FGF14: variants seen among roughly 807,000 people sequenced by gnomAD.
FGF14 encodes fibroblast growth factor homologous factor 4.
Under a neutral mutation model 25.5 loss-of-function variants are expected in FGF14, and 5 were observed. The observed-to-expected ratio is 0.20, with a 90% CI of 0.10 to 0.41. The LOEUF (loss-of-function observed/expected upper bound fraction) is 0.41. FGF14 is among the 10% of genes least tolerant of loss of function. The pLI is 1.00. For synonymous variants in FGF14, 138 were observed against 118.3 expected (o/e 1.17, Z -1.08); for missense variants, 222 against 320.1 (o/e 0.69, Z 2.34).
intron 1 of FGF14, among the ~76,000 whole-genome samples, chr13:102,035,902 A>T (rs968246762): frequency 5.9e-5 from 9 of 152,164 alleles, no homozygotes; most frequent in African/African-American, 1.9e-4. Context: ...GAATGTGTGG[A>T]GCACATAAAG....
At chr13:101,852,708 C>T (rs2043920275) in intron 3 of FGF14, among the ~76,000 whole-genome samples, 2 of 152,030 alleles carry the variant, frequency 1.3e-5, no homozygotes, top group South Asian at 4.1e-4. Context: ...GTCAAAACTC[C>T]TTATTCTTTC....
At position 102,109,269 on chromosome 13, in the gene FGF14, G is replaced by A. The variant is rs1388916712; in HGVS notation, c.209-233973C>T. 2.0e-5 allele frequency among the ~76,000 whole-genome samples: 3 copies of A among 152,266 alleles called. No individual in the cohort carries two copies. The East Asian group carries it at 5.8e-4, about 29-fold the overall frequency. ...TGGTAATTACCAGGGATTGGCTGGG[G>A]GGTGGTCCTGGGGAGGTTTTGGTCA... On this transcript the variant is annotated intron_variant, in intron 1 of 4. Coordinates refer to the FGF14 transcript ENST00000376131.
intron 3 of FGF14, among the ~76,000 whole-genome samples, chr13:101,787,845 T>C (rs939426685): frequency 6.6e-6 from 1 of 152,096 alleles, no homozygotes; most frequent in Non-Finnish European, 1.5e-5. Context: ...CACACAGAAA[T>C]GCCAGGCTGT....
Position 102,234,393 on chromosome 13 carries a change from G to A in FGF14, c.208+167078C>T, listed in dbSNP as rs9518678. On this transcript the variant is annotated intron_variant, in intron 1 of 4. Transcript: ENST00000376131. ...ATACACTTAAATGTGAAGGTACCTA[G>A]TACCATGGAAGCATACACTTAAATG... Among the ~76,000 whole-genome samples the A allele has an allele frequency of 1.3e-3, 74 of 57,638 alleles. 5 individuals carry two copies. The Middle Eastern group carries it at 0.035, about 27-fold the overall frequency. The allele number at this position is 57,638 out of a possible 152,430, so 37.8% of individuals were successfully genotyped here.
chr13:101,860,842 A>T (rs1441528186), intron 3 of FGF14, among the ~76,000 whole-genome samples: 3 of 152,090 alleles, frequency 2.0e-5, no homozygotes, highest in Non-Finnish European at 4.4e-5. Flanking sequence ...AAATCATTTC[A>T]ATAAGTCTTA....
At chr13:101,778,783 T>C (rs1181335827) in intron 3 of FGF14, 4 of 152,292 alleles carry the variant, frequency 2.6e-5, no homozygotes, top group South Asian at 4.1e-4. Context: ...AGATAGACAC[T>C]GCTTGTAATT....
At chr13:101,788,937 GAGAGAGAGAGAC>G (rs1196885415) in intron 3 of FGF14, among the ~76,000 whole-genome samples, 2,497 of 59,798 alleles carry the variant, frequency 0.042, 19 homozygotes, top group East Asian at 0.081. Flanking sequence ...GAGAGAGAGA[GAGAGAGAGAGAC>G]AGAGAGAGAG....
chr13:101,789,101 T>C (rs1026642924), intron 3 of FGF14, among the ~76,000 whole-genome samples: 1 of 151,860 alleles, frequency 6.6e-6, no homozygotes, highest in Non-Finnish European at 1.5e-5. Flanking sequence ...GACTCACAGA[T>C]GTCTCTGATT....
chr13:102,046,813 T>C (rs976254789), intron 1 of FGF14, among the ~76,000 whole-genome samples: 4 of 152,342 alleles, frequency 2.6e-5, no homozygotes, highest in African/African-American at 4.8e-5. Context: ...GCATTTGCTA[T>C]ATTTGAAGCA....
At chr13:102,033,573 C>G (rs975115628) in intron 1 of FGF14, among the ~76,000 whole-genome samples, 1 of 152,106 alleles carries the variant, frequency 6.6e-6, no homozygotes, top group Non-Finnish European at 1.5e-5. Context: ...GGCTTATACT[C>G]TTAGGCTTGT....
At chr13:102,177,320 T>C (rs1036081062) in intron 1 of FGF14, among the ~76,000 whole-genome samples, 2 of 152,162 alleles carry the variant, frequency 1.3e-5, no homozygotes, top group Admixed American at 6.5e-5. Flanking sequence ...AGCTACACAG[T>C]GTCTGCTAGG....
intron 1 of FGF14, among the ~76,000 whole-genome samples, chr13:102,062,578 T>C (rs571175289): frequency 1.3e-5 from 2 of 152,146 alleles, no homozygotes; most frequent in East Asian, 1.9e-4. Flanking sequence ...GGTGAATATA[T>C]AGAGGCCATT....
intron 1 of FGF14, among the ~76,000 whole-genome samples, chr13:101,965,695 A>G (rs1188643122): frequency 1.3e-5 from 2 of 150,092 alleles, no homozygotes; most frequent in Non-Finnish European, 3.0e-5. Context: ...TTTTGTAAGT[A>G]ACATGAAAGA....
At chr13:102,273,024 A>G (rs2053328722) in intron 1 of FGF14, among the ~76,000 whole-genome samples, 1 of 152,216 alleles carries the variant, frequency 6.6e-6, no homozygotes, top group African/African-American at 2.4e-5. Context: ...ATATCCTATG[A>G]CCTGTCACGA....
At chr13:102,205,918 G>A (rs990127148) in intron 1 of FGF14, among the ~76,000 whole-genome samples, 3 of 142,692 alleles carry the variant, frequency 2.1e-5, no homozygotes, top group Admixed American at 7.4e-5. Context: ...TATCCAGTTG[G>A]GGTGACGTGG....
intron 1 of FGF14, among the ~76,000 whole-genome samples, chr13:101,940,066 AG>A (rs1280844572): frequency 6.6e-6 from 1 of 152,252 alleles, no homozygotes; most frequent in African/African-American, 2.4e-5. Flanking sequence ...GCCTTGGCCA[AG>A]TCACCTCTCT....
chr13:102,065,713 A>T (rs1037774281), intron 1 of FGF14, among the ~76,000 whole-genome samples: 1 of 152,058 alleles, frequency 6.6e-6, no homozygotes, highest in Non-Finnish European at 1.5e-5. Flanking sequence ...TGGACAGTTA[A>T]TATATAACTG....
chr13:102,068,192 A>G (rs2042983524), intron 1 of FGF14, among the ~76,000 whole-genome samples: 1 of 152,276 alleles, frequency 6.6e-6, no homozygotes. Flanking sequence ...AATGACATTA[A>G]CAAGCAATAA....
chr13:101,867,345 C>T (rs1211996598), intron 3 of FGF14, among the ~76,000 whole-genome samples: 1 of 152,134 alleles, frequency 6.6e-6, no homozygotes, highest in Non-Finnish European at 1.5e-5. Flanking sequence ...GCAACTCTCT[C>T]AGCAGCACAA....
Sources: gnomAD v4.1 joint callset for allele counts (sites outside exome capture counted in the v4.1 genomes callset) on GRCh38, gnomAD v4.1.1 for gene constraint, MANE v1.5 for transcripts, NCBI Gene and HGNC (gene_info 2026-07-23, HGNC 2026-07-21) for gene names.